MRAS: variants seen among roughly 807,000 people sequenced by gnomAD.
MRAS encodes the protein muscle RAS oncogene homolog.
Under a neutral mutation model 20.9 loss-of-function variants are expected in MRAS, and 4 were observed. The ratio of observed to expected loss-of-function variants is 0.19; its 90% confidence interval spans 0.09 to 0.44. MRAS has a LOEUF of 0.44. Ranked by LOEUF, MRAS falls within the 20% of genes least tolerant of loss-of-function variation. The pLI is 0.99. For missense variants in MRAS, 154 were observed against 277.5 expected, an observed-to-expected ratio of 0.56 and a Z score of 3.16; for synonymous variants, 98 against 102.9, an observed-to-expected ratio of 0.95 and a Z score of 0.29.
rs568718103 is a variant in MRAS at position 138,359,076 on chromosome 3, T to C, written c.-19+10309T>C. On this transcript the variant is annotated intron_variant, in intron 1 of 5. Coordinates refer to ENST00000423968, the MANE Select transcript of MRAS (RefSeq NM_001085049.3). ...GTAGAAAGCAGAGGGGTGGGAAGCT[T>C]CCCTCGACCCCCCAGCCAATACTGA... 2.7e-3 allele frequency among the ~76,000 whole-genome samples: 414 copies of C among 152,250 alleles called. 2 individuals carry two copies. Among genetic ancestry groups the C allele is most frequent in the African/African-American group, 8.3e-3 (343 of 41,522 alleles).
At chr3:138,373,590 C>T (rs2054719040) in intron 2 of MRAS, among the ~76,000 whole-genome samples, 1 of 152,158 alleles carries the variant, frequency 6.6e-6, no homozygotes, top group South Asian at 2.1e-4. Context: ...ATCCTCAGGC[C>T]CATACTGATT....
At chr3:138,352,009 G>C (rs1479367865) in intron 1 of MRAS, among the ~76,000 whole-genome samples, 1 of 152,218 alleles carries the variant, frequency 6.6e-6, no homozygotes, top group Non-Finnish European at 1.5e-5. Flanking sequence ...AGCCAAGTCA[G>C]CATGCCATTC....
intron 1 of MRAS, among the ~76,000 whole-genome samples, chr3:138,370,041 C>T (rs776280561): frequency 3.3e-5 from 5 of 152,156 alleles, no homozygotes; most frequent in Admixed American, 1.3e-4. Flanking sequence ...AAACACCGAC[C>T]GGGAACGGTG....
intron 1 of MRAS, among the ~76,000 whole-genome samples, chr3:138,361,913 T>C (rs1051188187): frequency 2.0e-5 from 3 of 152,096 alleles, no homozygotes; most frequent in Non-Finnish European, 4.4e-5. Context: ...GAACAAGGAT[T>C]GAAAAATAAA....
At chr3:138,366,163 C>T (rs2054556546) in intron 1 of MRAS, among the ~76,000 whole-genome samples, 1 of 152,190 alleles carries the variant, frequency 6.6e-6, no homozygotes, top group Non-Finnish European at 1.5e-5. Flanking sequence ...TGAAGCTGCC[C>T]ATTTCTGGGA....
intron 2 of MRAS, among the ~76,000 whole-genome samples, chr3:138,386,417 G>A (rs142000666): frequency 3.3e-5 from 5 of 152,288 alleles, no homozygotes; most frequent in African/African-American, 7.2e-5. Flanking sequence ...TTACAGGTTC[G>A]TGCTGCTGCA....
At chr3:138,357,464 T>C (rs1323674699) in intron 1 of MRAS, among the ~76,000 whole-genome samples, 5 of 152,288 alleles carry the variant, frequency 3.3e-5, no homozygotes, top group Non-Finnish European at 5.9e-5. Flanking sequence ...CTTTCTTCTC[T>C]AGTCCAGTTA....
chr3:138,360,188 C>A (rs73227584), intron 1 of MRAS, among the ~76,000 whole-genome samples: 4,241 of 152,306 alleles, frequency 0.028, 87 homozygotes, highest in Non-Finnish European at 0.041. Flanking sequence ...TCTTGATTCC[C>A]TCTTGCTGCT....
intron 1 of MRAS, among the ~76,000 whole-genome samples, chr3:138,364,239 C>G (rs951202525): frequency 2.0e-5 from 3 of 152,070 alleles, no homozygotes; most frequent in African/African-American, 7.2e-5. Flanking sequence ...ACCTGTGGAA[C>G]CTGCCAGTTT....
chr3:138,375,531 A>G (rs2054766149), intron 2 of MRAS, among the ~76,000 whole-genome samples: 2 of 152,146 alleles, frequency 1.3e-5, no homozygotes, highest in South Asian at 4.1e-4. Flanking sequence ...TTGTTTTGAG[A>G]CAGGGTCTCG....
intron 1 of MRAS, among the ~76,000 whole-genome samples, chr3:138,364,200 G>C (rs2054514945): frequency 6.6e-6 from 1 of 152,158 alleles, no homozygotes; most frequent in Non-Finnish European, 1.5e-5. Context: ...AGAAGGGAGA[G>C]GTAGGAGGCT....
intron 2 of MRAS, among the ~76,000 whole-genome samples, chr3:138,384,126 A>G (rs2054961057): frequency 6.6e-6 from 1 of 152,226 alleles, no homozygotes; most frequent in Non-Finnish European, 1.5e-5. Flanking sequence ...GAGGTCAGGC[A>G]GGTAGCTGGA....
At chr3:138,395,365 T>A (rs1344177283) in intron 2 of MRAS, among the ~76,000 whole-genome samples, 1 of 152,056 alleles carries the variant, frequency 6.6e-6, no homozygotes, top group Non-Finnish European at 1.5e-5. Flanking sequence ...GCCCAAACTC[T>A]CCAGTGGCCC....
chr3:138,392,934 T>C (rs1447582942), intron 2 of MRAS, among the ~76,000 whole-genome samples: 2 of 152,230 alleles, frequency 1.3e-5, no homozygotes, highest in Non-Finnish European at 2.9e-5. Flanking sequence ...TTTCATTTAC[T>C]TTGTCCTGTT....
chr3:138,365,019 C>T (rs933852030), intron 1 of MRAS, among the ~76,000 whole-genome samples: 17 of 152,340 alleles, frequency 1.1e-4, no homozygotes, highest in African/African-American at 3.8e-4. Flanking sequence ...GGATGCCTAG[C>T]ACTACAGGCT....
intron 2 of MRAS, among the ~76,000 whole-genome samples, chr3:138,389,614 GA>G (rs1560182276): frequency 2.0e-5 from 3 of 150,844 alleles, no homozygotes; most frequent in Non-Finnish European, 2.9e-5. Flanking sequence ...TCTGGTTGAA[GA>G]AAAATGACTG....
At position 138,397,410 on chromosome 3, in the gene MRAS, G is replaced by A. The variant is rs779616242; in HGVS notation, c.280G>A (p.Val94Ile). 1.4e-5 allele frequency: 22 copies of A among 1,614,150 alleles called. No homozygotes were observed. The highest frequency in any genetic ancestry group is 1.9e-5 in the Non-Finnish European group (22 of 1,180,004). Reference sequence around the variant, plus strand: ...GGATGGCTTCCTCATCGTCTACTCCGTCACTGACAAGGCCAGCTTTGAGCA... The same window carrying A: ...GGATGGCTTCCTCATCGTCTACTCCATCACTGACAAGGCCAGCTTTGAGCA... ...TGDGFLIVYS[V>I]TDKASFEHVD... is the part of the protein sequence containing the mutation. The change falls in exon 3 of 6, where the codon GTC (valine) becomes ATC (isoleucine). Residue 94 changes from valine (V) to isoleucine (I), a missense_variant. Physicochemically the swap from Val to Ile is conservative, Grantham distance 29. Transcript: ENST00000423968.
At chr3:138,381,530 C>A (rs990864052) in intron 2 of MRAS, among the ~76,000 whole-genome samples, 6 of 152,238 alleles carry the variant, frequency 3.9e-5, no homozygotes, top group South Asian at 2.1e-4. Context: ...GGCCTCCCCA[C>A]CCTCTGGCTC....
chr3:138,393,115 T>C (rs991751412), intron 2 of MRAS, among the ~76,000 whole-genome samples: 2 of 152,224 alleles, frequency 1.3e-5, no homozygotes, highest in Non-Finnish European at 2.9e-5. Context: ...GCGAGAACTT[T>C]AGTACTTATT....
Sources: gnomAD v4.1 joint callset for allele counts (sites outside exome capture counted in the v4.1 genomes callset) on GRCh38, gnomAD v4.1.1 for gene constraint, MANE v1.5 for transcripts, NCBI Gene and HGNC (gene_info 2026-07-23, HGNC 2026-07-21) for gene names.